ABCA6: variants seen among roughly 807,000 people sequenced by gnomAD.
ABCA6 encodes ATP binding cassette subfamily A member 6.
ABCA6 carries 164 observed loss-of-function variants against 191.2 expected under a neutral mutation model. That is an observed-to-expected ratio of 0.86 (90% CI 0.76 to 0.98). The LOEUF (loss-of-function observed/expected upper bound fraction) is 0.98, where lower values mean the gene tolerates loss of function less well. Ranked by LOEUF, ABCA6 falls within the 50% of genes least tolerant of loss-of-function variation. ABCA6 has a pLI of 0.00. For synonymous variants in ABCA6, 636 were observed against 647.7 expected, an observed-to-expected ratio of 0.98 and a Z score of 0.27; for missense variants, 1,958 against 1,894.1, an observed-to-expected ratio of 1.03 and a Z score of -0.63.
At chr17:69,083,656 G>T (rs1356025310) in intron 34 of ABCA6, among the ~76,000 whole-genome samples, 1 of 152,274 alleles carries the variant, frequency 6.6e-6, no homozygotes, top group Middle Eastern at 3.4e-3. Context: ...TGGTTCTATT[G>T]ATACCTGCTG....
intron 22 of ABCA6, among the ~76,000 whole-genome samples, chr17:69,098,960 C>CAACAAAAAAACAATAATTCA (rs2073114224): frequency 6.6e-6 from 1 of 152,088 alleles, no homozygotes; most frequent in Non-Finnish European, 1.5e-5. Flanking sequence ...ATTATTACCA[C>CAACAAAAAAACAATAATTCA]AACAAAAAAA....
intron 2 of ABCA6, among the ~76,000 whole-genome samples, chr17:69,138,385 T>C (rs2073981226): frequency 6.6e-6 from 1 of 152,164 alleles, no homozygotes; most frequent in Admixed American, 6.6e-5. Context: ...GTCCTTCACG[T>C]CCCTTGTAAG....
intron 36 of ABCA6, among the ~76,000 whole-genome samples, chr17:69,081,621 A>T (rs532434176): frequency 3.3e-5 from 5 of 152,332 alleles, no homozygotes; most frequent in African/African-American, 1.2e-4. Context: ...ATTTTGTAAA[A>T]CCATAAATAG....
At position 69,125,019 on chromosome 17, in the gene ABCA6, T is replaced by C; in HGVS notation, c.1136A>G (p.Tyr379Cys). The change falls in exon 9 of 39, where the codon TAT (tyrosine) becomes TGT (cysteine). Residue 379 changes from tyrosine (Y) to cysteine (C), a missense_variant. Transcript: ENST00000284425. ...TGMIQIIKLD[Y>C]NLNGVIFPDP... ...AGGAAAAATTACACCATTCAAGTTA[T>C]AATCCAGTTTGATAATCTAAGATTC... 7.1e-7 allele frequency: 1 copy of C among 1,401,784 alleles called. No individual in the cohort carries two copies. The highest frequency in any genetic ancestry group is 9.5e-7 in the Non-Finnish European group (1 of 1,056,814). The allele number at this position is 1,401,784 out of a possible 1,614,324, so 86.8% of individuals were successfully genotyped here.
Position 69,136,138 on chromosome 17 carries a change from T to G in ABCA6, c.414A>C (p.Ile138=). The change falls in exon 4 of 39, where the codon ATA becomes ATC. Residue 138 remains isoleucine, a synonymous_variant. Transcript: ENST00000284425. ...GTGGACTGTTATATCCCTGGAAAAA[T>G]ATTAACTTATAAGAGAAAGTTTCAT... ...IFNETFSYKL[I]FFQGYNSPLW... 6.2e-7 allele frequency: 1 copy of G among 1,609,308 alleles called. No individual in the cohort carries two copies. The highest frequency in any genetic ancestry group is 2.2e-5 in the East Asian group (1 of 44,756).
intron 30 of ABCA6, 126 bp downstream of exon 30, chr17:69,086,491 AT>A: frequency 2.3e-5 from 1 of 43,356 alleles, no homozygotes; most frequent in Non-Finnish European, 4.3e-5. Flanking sequence ...CACTAAATAT[AT>A]ATATATATAT....
At chr17:69,102,428 A>G (rs563658441) in intron 21 of ABCA6, among the ~76,000 whole-genome samples, 2 of 152,352 alleles carry the variant, frequency 1.3e-5, no homozygotes, top group South Asian at 4.1e-4. Flanking sequence ...CTAAGGTAGC[A>G]GACTGAGAAT....
intron 22 of ABCA6, among the ~76,000 whole-genome samples, chr17:69,098,991 C>T (rs1568007724): frequency 6.6e-6 from 1 of 152,144 alleles, no homozygotes; most frequent in Admixed American, 6.5e-5. Flanking sequence ...GAAGTTAGGA[C>T]CTCTGATGAA....
intron 32 of ABCA6, 107 bp downstream of exon 32, chr17:69,084,921 A>G: frequency 7.3e-7 from 1 of 1,361,678 alleles, no homozygotes; most frequent in Non-Finnish European, 9.7e-7. Context: ...ACACTCTGGA[A>G]AGGTGGAGAT....
At chr17:69,101,453 AGGT>A (rs1186634051) in intron 21 of ABCA6, among the ~76,000 whole-genome samples, 1 of 151,994 alleles carries the variant, frequency 6.6e-6, no homozygotes, top group Non-Finnish European at 1.5e-5. Flanking sequence ...AAAATTAGCC[AGGT>A]GTGGTGGCAC....
At chr17:69,131,451 C>G (rs1338447083) in intron 6 of ABCA6, among the ~76,000 whole-genome samples, 1 of 152,038 alleles carries the variant, frequency 6.6e-6, no homozygotes, top group Non-Finnish European at 1.5e-5. Context: ...TGAAAAAACA[C>G]AGGATATGAA....
In ABCA6 at chr17:69,091,802, G is replaced by A. The variant is rs2072929788; in HGVS notation, c.3409-540C>T. Among the ~76,000 whole-genome samples, 3 of 19,220 alleles carry A rather than the reference G, an allele frequency of 1.6e-4. 1 individual carries two copies. Among genetic ancestry groups the A allele is most frequent in the South Asian group, 1.1e-3 (1 of 894 alleles). The allele number at this position is 19,220 out of a possible 152,430, so 12.6% of individuals were successfully genotyped here. The stretch of plus-strand genomic sequence containing the variant: ...CTCCCAAAGTGCTGGGATTACAGGC[G>A]TGAGCCACCGCGCCCGGCCCCAAAT... On this transcript the variant is annotated intron_variant, in intron 25 of 38. Transcript: ENST00000284425.
At chr17:69,137,176 T>C in intron 3 of ABCA6, 120 bp downstream of exon 3, 2 of 923,442 alleles carry the variant, frequency 2.2e-6, no homozygotes, top group Non-Finnish European at 3.3e-6. Flanking sequence ...TTGTATGCTA[T>C]TTTAGTACTT....
rs1411660200 is a variant in ABCA6, at chr17:69,115,498, A to T, written c.1496-12T>A. The T allele has an allele frequency of 6.3e-7, 1 of 1,594,300 alleles. No individual in the cohort carries two copies. On this transcript the variant is annotated splice_polypyrimidine_tract_variant and intron_variant, in intron 11 of 38. Transcript: ENST00000284425. ...GTCAAAGAGCAAGCCTATTTTTAGA[A>T]CAAATTGTTAACAAATTATTAACAG...
At chr17:69,090,596 T>C (rs1253926544) in intron 26 of ABCA6, among the ~76,000 whole-genome samples, 1 of 152,234 alleles carries the variant, frequency 6.6e-6, no homozygotes, top group African/African-American at 2.4e-5. Flanking sequence ...TGTATTAACT[T>C]GAGTAAGTTT....
In ABCA6 at chr17:69,086,486, A is replaced by AATATATATATATATAT. The variant is rs68086602; in HGVS notation, c.3937+116_3937+131dup. ...GTCTAAAACACTCCCTGGCACACTAAATATATATATATATATATATATATA... is the reference window on the plus strand; with the variant it reads ...GTCTAAAACACTCCCTGGCACACTAAATATATATATATATATATATATATATATATATATATATATA... On this transcript the variant is annotated intron_variant, in intron 30 of 38. Transcript: ENST00000284425. 5.2e-3 allele frequency: 844 copies of AATATATATATATATAT among 163,208 alleles called. 13 individuals are homozygous for AATATATATATATATAT. The highest frequency in any genetic ancestry group is 0.034 in the East Asian group (154 of 4,576). 10.1% of individuals were successfully genotyped at this position (163,208 alleles called of 1,614,324 possible).
chr17:69,096,885 G>T (rs1598453615), intron 23 of ABCA6, 84 bp from the exon 24 acceptor site: 12 of 1,125,780 alleles, frequency 1.1e-5, no homozygotes, highest in African/African-American at 5.0e-5. Flanking sequence ...CACATTGGAA[G>T]AATTTTTAAG....
chr17:69,100,464 C>A (rs532402719), intron 22 of ABCA6, among the ~76,000 whole-genome samples: 6 of 152,244 alleles, frequency 3.9e-5, no homozygotes, highest in South Asian at 2.1e-4. Context: ...TATATGTAAC[C>A]AGGGTTACAA....
At chr17:69,090,763 C>A (rs539058233) in intron 26 of ABCA6, among the ~76,000 whole-genome samples, 47 of 152,302 alleles carry the variant, frequency 3.1e-4, no homozygotes, top group African/African-American at 1.1e-3. Context: ...TTATCCTCAG[C>A]GGCTAACAAA....
Sources: gnomAD v4.1 joint callset for allele counts (sites outside exome capture counted in the v4.1 genomes callset) on GRCh38, gnomAD v4.1.1 for gene constraint, MANE v1.5 for transcripts, NCBI Gene and HGNC (gene_info 2026-07-23, HGNC 2026-07-21) for gene names.